The following NBN variants were observed in gnomAD, a reference collection of about 807,000 sequenced individuals.
The protein encoded by NBN is Nijmegen breakage syndrome 1 (nibrin).
A neutral mutation model predicts 90.8 loss-of-function variants in NBN; 88 were observed. That is an observed-to-expected ratio of 0.97 (90% CI 0.82 to 1.16). The LOEUF (loss-of-function observed/expected upper bound fraction) is 1.16. Among genes scored for constraint, NBN ranks in the 50% most tolerant of loss-of-function variants. NBN has a pLI of 0.00. For missense variants in NBN, 894 were observed against 869.6 expected, an observed-to-expected ratio of 1.03 and a Z score of -0.35; for synonymous variants, 328 against 295.1, an observed-to-expected ratio of 1.11 and a Z score of -1.14.
At chr8:89,950,287 A>G (rs1486823908) in intron 11 of NBN, among the ~76,000 whole-genome samples, 3 of 152,224 alleles carry the variant, frequency 2.0e-5, no homozygotes, top group African/African-American at 7.2e-5. Context: ...GATAAAAAAA[A>G]GCATAAATTT....
intron 13 of NBN, 44 bp downstream of exon 13, chr8:89,946,096 A>C: frequency 7.0e-7 from 1 of 1,422,180 alleles, no homozygotes; most frequent in East Asian, 2.3e-5. Flanking sequence ...ATCTCTAAAA[A>C]CATTTCAAAC....
chr8:89,976,570 T>C (rs999237060), intron 5 of NBN, among the ~76,000 whole-genome samples: 1 of 152,194 alleles, frequency 6.6e-6, no homozygotes, highest in African/African-American at 2.4e-5. Flanking sequence ...TTTGCCATTA[T>C]ATCTATACTG....
chr8:89,964,137 C>T (rs1015153004), intron 8 of NBN, among the ~76,000 whole-genome samples: 1 of 151,844 alleles, frequency 6.6e-6, no homozygotes, highest in East Asian at 1.9e-4. Context: ...CTGAACTTAC[C>T]ATGTGTGTGT....
In NBN at chr8:89,964,418, G is replaced by A. The variant is rs1386471248; in HGVS notation, c.986C>T (p.Pro329Leu). The A allele has an allele frequency of 1.9e-6, 3 of 1,613,590 alleles. No homozygotes were observed. Among genetic ancestry groups the A allele is most frequent in the East Asian group, 2.2e-5 (1 of 44,842 alleles). ...TKNYCDPQGH[P>L]STGLKTTTPG... is the part of the protein sequence containing the mutation. ...AATAATGCTTCAATTACCTGTACTG[G>A]GATGGCCCTGAGGATCACAGTAATT... Residue 329 changes from proline (P) to leucine (L), a missense_variant, in exon 8 of 16, where the codon CCC (proline) becomes CTC (leucine). Pro to Leu is a moderately conservative substitution (Grantham distance 98). Coordinates refer to ENST00000265433, the MANE Select transcript of NBN (RefSeq NM_002485.5).
rs1381148233 is a variant in NBN at position 89,947,873 on chromosome 8, T to C, written c.1865A>G (p.Lys622Arg). ...TGAGTCTTCCTTGAGTTCACGTTTC[T>C]TCCCAATTTCATTTTCTTGCTAAAG... is the stretch of plus-strand genomic sequence containing the variant. ...SKISQENEIG[K>R]KRELKEDSLW... The change falls in exon 12 of 16, where the codon AAG becomes AGG. Residue 622 changes from lysine (K) to arginine (R), a missense_variant. Lys to Arg is a conservative substitution (Grantham distance 26, BLOSUM62 2). Transcript: ENST00000265433. The C allele has an allele frequency of 1.3e-6, 2 of 1,573,710 alleles. No individual in the cohort carries two copies. The highest frequency in any genetic ancestry group is 1.7e-6 in the Non-Finnish European group (2 of 1,148,658).
chr8:89,976,414 G>C (rs989748873), intron 5 of NBN, among the ~76,000 whole-genome samples: 1 of 152,208 alleles, frequency 6.6e-6, no homozygotes, highest in African/African-American at 2.4e-5. Flanking sequence ...TACGGTGCCT[G>C]AAAGCTTAGG....
rs567695304 is a variant in NBN at position 89,983,467 on chromosome 8, A to G, written c.38-612T>C. Among the ~76,000 whole-genome samples the G allele has an allele frequency of 4.6e-5, 7 of 152,218 alleles. No individual in the cohort carries two copies. The East Asian group carries it at 1.4e-3, about 29-fold the overall frequency. On this transcript the variant is annotated intron_variant, in intron 1 of 15. Coordinates refer to ENST00000265433, the MANE Select transcript of NBN (RefSeq NM_002485.5). Reference sequence around the variant, plus strand: ...AAAAATCAAGAAAAATGTGAATAATATAATAGGAGCTTGCCCTACCAGATG... The same window carrying G: ...AAAAATCAAGAAAAATGTGAATAATGTAATAGGAGCTTGCCCTACCAGATG...
At position 89,958,406 on chromosome 8, in the gene NBN, G is replaced by T. The variant is rs1586064787; in HGVS notation, c.1124+319C>A. ...AAATTGTGTAAGGAAGCATTTCTTGGAAAGTATCCTTGTCTTTAAGAGACT... is the reference window on the plus strand; with the variant it reads ...AAATTGTGTAAGGAAGCATTTCTTGTAAAGTATCCTTGTCTTTAAGAGACT... On this transcript the variant is annotated intron_variant, in intron 9 of 15. Coordinates refer to ENST00000265433, the MANE Select transcript of NBN (RefSeq NM_002485.5). Among the ~76,000 whole-genome samples the T allele has an allele frequency of 3.9e-5, 6 of 152,296 alleles. No homozygotes were observed. The South Asian group carries it at 1.2e-3, about 32-fold the overall frequency.
chr8:89,958,267 G>T (rs1378920639), intron 9 of NBN, among the ~76,000 whole-genome samples: 1 of 152,196 alleles, frequency 6.6e-6, no homozygotes, highest in Non-Finnish European at 1.5e-5. Flanking sequence ...CCTAACAGGT[G>T]ATGGACTGAT....
chr8:89,947,485 C>A (rs1010799103), intron 12 of NBN, among the ~76,000 whole-genome samples: 5 of 151,908 alleles, frequency 3.3e-5, no homozygotes, highest in East Asian at 1.9e-4. Context: ...CAAAATTAGT[C>A]GGGCGTGGTG....
intron 7 of NBN, 135 bp from the exon 8 acceptor site, chr8:89,964,642 A>G: frequency 2.3e-6 from 2 of 856,414 alleles, no homozygotes; most frequent in South Asian, 1.7e-5. Flanking sequence ...TCAAATGCAG[A>G]GTACTATAAT....
chr8:89,966,399 C>A (rs954146267), intron 7 of NBN, among the ~76,000 whole-genome samples: 4 of 152,134 alleles, frequency 2.6e-5, no homozygotes, highest in African/African-American at 7.2e-5. Context: ...AATTTCTTTA[C>A]AGCAGTAGTG....
chr8:89,944,743 A>T (rs1010511557), intron 13 of NBN, among the ~76,000 whole-genome samples: 1 of 152,008 alleles, frequency 6.6e-6, no homozygotes, highest in African/African-American at 2.4e-5. Context: ...ATGCCTAGCT[A>T]ATTTTTATAT....
Position 89,940,148 on chromosome 8 carries a change from CA to C in NBN, c.2185-3074del, listed in dbSNP as rs1366741672. Among the ~76,000 whole-genome samples the C allele has an allele frequency of 2.6e-5, 4 of 152,084 alleles. No homozygotes were observed. In the South Asian group the frequency reaches 6.2e-4, roughly 24 times the overall value. ...TCACCAAGGCTGAAGTGCAGGGGCT[CA>C]ATCATGGCTCACTGCAACCTTAACC... On this transcript the variant is annotated intron_variant, in intron 14 of 15. Transcript: ENST00000265433.
chr8:89,980,846 G>C lies in NBN; in HGVS notation c.368C>G (p.Ser123Cys). ...LVACSSCLDV[S>C]GKTALNQAIL... is the part of the protein sequence containing the mutation. The stretch of plus-strand genomic sequence containing the variant: ...AGCTTGATTTAAAGCAGTTTTCCCA[G>C]AGACATCTAAACAAGAAGAGCATGC... The change falls in exon 4 of 16, where the codon TCT (serine) becomes TGT (cysteine). Residue 123 changes from serine to cysteine, a missense_variant. Transcript: ENST00000265433. 6.2e-7 allele frequency: 1 copy of C among 1,612,386 alleles called. No homozygotes were observed. The highest frequency in any genetic ancestry group is 1.3e-5 in the African/African-American group (1 of 74,954).
chr8:89,959,302 G>A (rs1810881746), intron 8 of NBN, among the ~76,000 whole-genome samples: 1 of 152,116 alleles, frequency 6.6e-6, no homozygotes, highest in East Asian at 1.9e-4. Context: ...ATAAACTTCT[G>A]GCTACTCCAG....
chr8:89,970,352 A>C lies in NBN; in HGVS notation c.896+12T>G. 6.3e-7 allele frequency: 1 copy of C among 1,593,820 alleles called. No individual in the cohort carries two copies. The highest frequency in any genetic ancestry group is 1.1e-5 in the South Asian group (1 of 90,354). ...ACTTGCAGTTTTTTACTAATAAAGAATAATTCTATACCTTTGGAGCATATC... is the reference window on the plus strand; with the variant it reads ...ACTTGCAGTTTTTTACTAATAAAGACTAATTCTATACCTTTGGAGCATATC... On this transcript the variant is annotated intron_variant, in intron 7 of 15. Coordinates refer to ENST00000265433, the MANE Select transcript of NBN (RefSeq NM_002485.5).
At chr8:89,975,626 G>A (rs939714855) in intron 5 of NBN, among the ~76,000 whole-genome samples, 4 of 152,108 alleles carry the variant, frequency 2.6e-5, no homozygotes, top group African/African-American at 9.7e-5. Context: ...CTTATGGTAG[G>A]GATGTTGTAT....
rs764594051 is a variant in NBN at position 89,955,603 on chromosome 8, A to T, written c.1125-48T>A. ...AAGGTAAATAATCAAGTTTACAGCA[A>T]CTTTAATAGAGAAACAAAGATCGTT... On this transcript the variant is annotated intron_variant, in intron 9 of 15. Transcript: ENST00000265433. The T allele has an allele frequency of 1.9e-6, 3 of 1,573,768 alleles. No homozygotes were observed. The South Asian group carries it at 3.4e-5, about 18-fold the overall frequency.
Sources: allele counts gnomAD v4.1 joint callset (sites outside exome capture counted in the v4.1 genomes callset), GRCh38; gene constraint gnomAD v4.1.1; transcripts MANE v1.5; gene names NCBI Gene and HGNC (gene_info 2026-07-23, HGNC 2026-07-21).